Variants in RYR2 observed in about 807,000 individuals in gnomAD.
RYR2 encodes ryanodine receptor 2, also known as cardiac muscle ryanodine receptor-calcium release channel.
A neutral mutation model predicts 601.1 loss-of-function variants in RYR2; 227 were observed. The ratio of observed to expected loss-of-function variants is 0.38; its 90% CI spans 0.34 to 0.42. The LOEUF is 0.42. Among genes scored for constraint, RYR2 ranks in the 10% least tolerant of loss-of-function variants. The pLI, the probability that RYR2 is intolerant of heterozygous loss-of-function variation, is 1.00. For missense variants in RYR2, 4,646 were observed against 6,156.5 expected (o/e 0.75, Z 8.21); for synonymous variants, 2,223 against 2,175.1 (o/e 1.02, Z -0.61).
At chr1:237,449,702 T>A (rs1657849773) in intron 14 of RYR2, among the ~76,000 whole-genome samples, 1 of 152,080 alleles carries the variant, frequency 6.6e-6, no homozygotes, top group Non-Finnish European at 1.5e-5. Context: ...GAAAATGTGT[T>A]TTTTGCCTTC....
At chr1:237,687,353 CTTTTTTCTTCTTCTTTTTTTT>C (rs1686492225) in intron 62 of RYR2, 81 bp from the exon 63 acceptor site, 4 of 584,964 alleles carry the variant, frequency 6.8e-6, no homozygotes, top group African/African-American at 2.2e-5. Flanking sequence ...GTTTTTTTTT[CTTTTTTCTTCTTCTTTTTTTT>C]TTTTTTTTTT....
At chr1:237,778,814 G>C (rs1211810345) in intron 88 of RYR2, 44 bp downstream of exon 88, 2 of 945,426 alleles carry the variant, frequency 2.1e-6, no homozygotes, top group African/African-American at 1.6e-5. Context: ...TGACAAACTG[G>C]AGACTGTAAT....
At chr1:237,825,415 A>G (rs1308954976) in intron 101 of RYR2, among the ~76,000 whole-genome samples, 2 of 152,224 alleles carry the variant, frequency 1.3e-5, no homozygotes, top group African/African-American at 4.8e-5. Context: ...GCACTGGGGA[A>G]AAGATTCCCT....
At chr1:237,709,668 C>A in intron 70 of RYR2, 101 bp downstream of exon 70, 1 of 629,356 alleles carries the variant, frequency 1.6e-6, no homozygotes, top group Non-Finnish European at 2.7e-6. Flanking sequence ...GAATAGGTTC[C>A]CCTGAGGAGT....
chr1:237,255,448 T>A (rs553388295), intron 1 of RYR2, among the ~76,000 whole-genome samples: 3 of 152,194 alleles, frequency 2.0e-5, no homozygotes, highest in Non-Finnish European at 4.4e-5. Context: ...CTTTTTATCT[T>A]TTTCTAAAAG....
intron 2 of RYR2, among the ~76,000 whole-genome samples, chr1:237,326,045 T>C (rs1696140402): frequency 6.6e-6 from 1 of 152,150 alleles, no homozygotes. Context: ...TGTTATTCAG[T>C]TAAGGTAATG....
chr1:237,345,950 C>A (rs1022205947), intron 3 of RYR2, among the ~76,000 whole-genome samples: 2 of 152,042 alleles, frequency 1.3e-5, no homozygotes, highest in Admixed American at 6.6e-5. Context: ...ATGGAAGAGA[C>A]TTACTGTATT....
chr1:237,648,754 G>T, intron 49 of RYR2, 141 bp downstream of exon 49: 1 of 1,021,200 alleles, frequency 9.8e-7, no homozygotes, highest in Non-Finnish European at 1.4e-6. Flanking sequence ...TAAGCCATGG[G>T]TAAACAGAAA....
rs565399536 is a variant in RYR2 at position 237,637,542 on chromosome 1, C to T, written c.6793-815C>T. ...GTAACTGCTCAAAATAAGGTGTTTG[C>T]TAAATGCTGTGTGTCTGATTTGAAC... On this transcript the variant is annotated intron_variant, in intron 44 of 104. Transcript: ENST00000366574. 2.0e-5 allele frequency among the ~76,000 whole-genome samples: 3 copies of T among 152,288 alleles called. No homozygotes were observed. The South Asian group carries it at 6.2e-4, about 32-fold the overall frequency.
chr1:237,373,277 A>G (rs1700781391), intron 6 of RYR2, among the ~76,000 whole-genome samples: 1 of 152,156 alleles, frequency 6.6e-6, no homozygotes, highest in African/African-American at 2.4e-5. Flanking sequence ...TAACCTTGGG[A>G]GCCATTTCTT....
At position 237,274,467 on chromosome 1, in the gene RYR2, A is replaced by G. The variant is rs189044759; in HGVS notation, c.168+3851A>G. Reference sequence around the variant, plus strand: ...TCTAGAACAAAGATATAAAGAAAATATTTTCATACAGCTGTGTTTGTATTT... The same window carrying G: ...TCTAGAACAAAGATATAAAGAAAATGTTTTCATACAGCTGTGTTTGTATTT... On this transcript the variant is annotated intron_variant, in intron 2 of 104. Coordinates refer to ENST00000366574, the MANE Select transcript of RYR2 (RefSeq NM_001035.3). Among the ~76,000 whole-genome samples, 98 of 152,216 alleles carry G rather than the reference A, an allele frequency of 6.4e-4. 2 individuals carry two copies. Among genetic ancestry groups the G allele is most frequent in the Non-Finnish European group, 1.3e-3 (87 of 68,018 alleles).
chr1:237,141,650 A>G (rs75972682), intron 1 of RYR2, among the ~76,000 whole-genome samples: 3,873 of 152,334 alleles, frequency 0.025, 135 homozygotes, highest in East Asian at 0.14. Flanking sequence ...TAAGACTTAC[A>G]TATGGGGACC....
chr1:237,467,093 TTA>T (rs1387612301), intron 16 of RYR2, among the ~76,000 whole-genome samples: 2 of 149,260 alleles, frequency 1.3e-5, no homozygotes, highest in African/African-American at 2.4e-5. Context: ...ATCACTTATG[TTA>T]TATATATCAT....
At chr1:237,308,616 G>T (rs1024953887) in intron 2 of RYR2, among the ~76,000 whole-genome samples, 1 of 152,204 alleles carries the variant, frequency 6.6e-6, no homozygotes, top group Non-Finnish European at 1.5e-5. Context: ...TGTGTTCGGA[G>T]TTTCTTCCTT....
intron 22 of RYR2, among the ~76,000 whole-genome samples, 192 bp from the exon 23 acceptor site, chr1:237,506,518 A>G (rs1665275081): frequency 1.3e-5 from 2 of 151,342 alleles, no homozygotes; most frequent in South Asian, 2.1e-4. Context: ...AGCCTGGGCG[A>G]CAGAGTGAGA....
intron 1 of RYR2, among the ~76,000 whole-genome samples, chr1:237,153,962 G>C (rs1311362891): frequency 6.6e-6 from 1 of 152,100 alleles, no homozygotes; most frequent in South Asian, 2.1e-4. Flanking sequence ...CATTCTAAAG[G>C]ACAGTAGATT....
intron 1 of RYR2, among the ~76,000 whole-genome samples, chr1:237,223,552 T>A (rs1437328080): frequency 6.6e-6 from 1 of 152,192 alleles, no homozygotes; most frequent in Non-Finnish European, 1.5e-5. Flanking sequence ...GTAGGCAGAT[T>A]TGGTCAATTA....
chr1:237,234,115 G>C (rs973236600), intron 1 of RYR2, among the ~76,000 whole-genome samples: 3 of 152,174 alleles, frequency 2.0e-5, no homozygotes, highest in Non-Finnish European at 4.4e-5. Context: ...AACTCGCATG[G>C]AGTATGTGTT....
intron 62 of RYR2, among the ~76,000 whole-genome samples, chr1:237,683,107 T>C (rs1272972796): frequency 3.9e-5 from 6 of 152,126 alleles, no homozygotes; most frequent in Admixed American, 2.0e-4. Flanking sequence ...TATAGAAAAA[T>C]ATTGGTAGGG....
Sources: allele counts gnomAD v4.1 joint callset (sites outside exome capture counted in the v4.1 genomes callset), GRCh38; gene constraint gnomAD v4.1.1; transcripts MANE v1.5; gene names NCBI Gene and HGNC (gene_info 2026-07-23, HGNC 2026-07-21).